Variants in RBFOX1 observed in about 807,000 individuals in gnomAD.
RBFOX1 encodes RNA binding fox-1 homolog 1.
A neutral mutation model predicts 57.7 loss-of-function variants in RBFOX1; 8 were observed. The observed-to-expected ratio is 0.14, with a 90% CI of 0.08 to 0.25. The LOEUF is 0.25. Among genes scored for constraint, RBFOX1 ranks in the 10% least tolerant of loss-of-function variants. RBFOX1 has a pLI of 1.00. For missense variants in RBFOX1, 611 were observed against 548.5 expected (o/e 1.11, Z -1.14); for synonymous variants, 326 against 222.4 (o/e 1.47, Z -4.15).
chr16:6,290,811 A>G (rs1173286008), intron 1 of RBFOX1, among the ~76,000 whole-genome samples: 2 of 152,318 alleles, frequency 1.3e-5, no homozygotes, highest in East Asian at 1.9e-4. Context: ...GATACCAGAA[A>G]GGGGTCCAAA....
At chr16:7,287,993 C>T (rs576878807) in intron 4 of RBFOX1, among the ~76,000 whole-genome samples, 1 of 152,192 alleles carries the variant, frequency 6.6e-6, no homozygotes, top group South Asian at 2.1e-4. Context: ...AAAATCCAAA[C>T]CAATCTCGTG....
chr16:7,262,527 G>T (rs2094958074), intron 4 of RBFOX1, among the ~76,000 whole-genome samples: 2 of 152,234 alleles, frequency 1.3e-5, no homozygotes, highest in African/African-American at 4.8e-5. Context: ...AGCCACATTT[G>T]CAGGCATGCA....
At chr16:5,390,181 C>T (rs2151417341) in intron 1 of RBFOX1, among the ~76,000 whole-genome samples, 1 of 151,884 alleles carries the variant, frequency 6.6e-6, no homozygotes, top group Admixed American at 6.5e-5. Flanking sequence ...CTTTTAATTT[C>T]ACAATATATT....
In RBFOX1 at chr16:6,839,752, T is replaced by G. The variant is rs150929234; in HGVS notation, c.-16+185102T>G. Among the ~76,000 whole-genome samples the G allele has an allele frequency of 2.1e-4, 32 of 152,322 alleles. 1 individual carries two copies. The highest frequency in any genetic ancestry group is 7.5e-4 in the African/African-American group (31 of 41,580). On this transcript the variant is annotated intron_variant, in intron 3 of 15. Coordinates refer to ENST00000550418, the MANE Select transcript of RBFOX1 (RefSeq NM_018723.4). The stretch of plus-strand genomic sequence containing the variant: ...ATATGCAAACTATAGAAGAGAAAAT[T>G]AAGCAGTTGAAACATTTGGATGTAG...
intron 3 of RBFOX1, among the ~76,000 whole-genome samples, chr16:7,000,354 G>A (rs1190056845): frequency 3.9e-5 from 6 of 151,910 alleles, no homozygotes; most frequent in Admixed American, 1.3e-4. Flanking sequence ...CATCTCTCAA[G>A]TTTCTTTTAT....
chr16:7,331,117 G>A (rs568559689), intron 4 of RBFOX1, among the ~76,000 whole-genome samples: 6 of 152,240 alleles, frequency 3.9e-5, no homozygotes, highest in Admixed American at 3.3e-4. Flanking sequence ...AACCCTGTCC[G>A]CCGTCGTTAT....
chr16:7,482,825 TG>T (rs1162156589), intron 4 of RBFOX1, among the ~76,000 whole-genome samples: 1 of 152,176 alleles, frequency 6.6e-6, no homozygotes, highest in Non-Finnish European at 1.5e-5. Flanking sequence ...CGGGATGTTC[TG>T]TCCCCAAATC....
intron 1 of RBFOX1, among the ~76,000 whole-genome samples, chr16:5,292,336 A>T (rs2063554988): frequency 6.6e-6 from 1 of 152,212 alleles, no homozygotes; most frequent in Admixed American, 6.5e-5. Context: ...GGAAAAGTTG[A>T]GGAGTGCCTC....
chr16:6,680,294 T>TTTTTTTTTGTTTTTG (rs60731674), intron 3 of RBFOX1, among the ~76,000 whole-genome samples: 1 of 103,056 alleles, frequency 9.7e-6, no homozygotes, highest in Non-Finnish European at 1.9e-5. Context: ...TTTTTTTTTT[T>TTTTTTTTTGTTTTTG]ATTTGTCGCC....
At chr16:6,247,234 C>T (rs1325034233) in intron 1 of RBFOX1, among the ~76,000 whole-genome samples, 1 of 152,154 alleles carries the variant, frequency 6.6e-6, no homozygotes. Flanking sequence ...CCCCTTGTCT[C>T]CCAGGATCTT....
intron 1 of RBFOX1, among the ~76,000 whole-genome samples, chr16:6,140,844 T>G (rs1255444970): frequency 6.6e-6 from 1 of 152,196 alleles, no homozygotes; most frequent in Non-Finnish European, 1.5e-5. Flanking sequence ...GTGGTTTGGT[T>G]TCTTATCTCT....
In RBFOX1 at chr16:6,401,977, T is replaced by C. The variant is rs77191497; in HGVS notation, c.-64+84920T>C. Among the ~76,000 whole-genome samples, 577 of 151,928 alleles carry C rather than the reference T, an allele frequency of 3.8e-3. 4 individuals are homozygous for C. The highest frequency in any genetic ancestry group is 0.013 in the African/African-American group (541 of 41,396). ...TAAGATCGTAACTGATCATCATGGCTGAGCCAGACCAGCTAACTGTCGAAA... is the reference window on the plus strand; with the variant it reads ...TAAGATCGTAACTGATCATCATGGCCGAGCCAGACCAGCTAACTGTCGAAA... On this transcript the variant is annotated intron_variant, in intron 2 of 15. Transcript: ENST00000550418.
At chr16:6,955,348 G>GCGCACACACA (rs1555675597) in intron 3 of RBFOX1, among the ~76,000 whole-genome samples, 2 of 150,338 alleles carry the variant, frequency 1.3e-5, no homozygotes, top group African/African-American at 2.4e-5. Flanking sequence ...CCCCACATAT[G>GCGCACACACA]CACACACACA....
chr16:6,553,772 G>A (rs2097038525), intron 2 of RBFOX1, among the ~76,000 whole-genome samples: 1 of 152,290 alleles, frequency 6.6e-6, no homozygotes, highest in East Asian at 1.9e-4. Context: ...GGTGAACCAG[G>A]GAGGGACAGT....
At chr16:6,803,289 A>G (rs973214333) in intron 3 of RBFOX1, among the ~76,000 whole-genome samples, 1 of 152,200 alleles carries the variant, frequency 6.6e-6, no homozygotes, top group Non-Finnish European at 1.5e-5. Flanking sequence ...GAAGGCCCAC[A>G]TCCCAGAACT....
At chr16:7,569,258 C>T (rs1260335871) in intron 5 of RBFOX1, among the ~76,000 whole-genome samples, 5 of 152,122 alleles carry the variant, frequency 3.3e-5, no homozygotes, top group African/African-American at 1.2e-4. Flanking sequence ...TTCTGGAGAT[C>T]AGAAGTGTAG....
chr16:6,902,003 G>T (rs1264927718), intron 3 of RBFOX1, among the ~76,000 whole-genome samples: 2 of 152,064 alleles, frequency 1.3e-5, no homozygotes, highest in Non-Finnish European at 2.9e-5. Flanking sequence ...AACTTTGCCT[G>T]AATGAATTAT....
At chr16:6,327,650 A>G (rs895437192) in intron 2 of RBFOX1, among the ~76,000 whole-genome samples, 1 of 152,194 alleles carries the variant, frequency 6.6e-6, no homozygotes, top group African/African-American at 2.4e-5. Flanking sequence ...CAGAATAGAG[A>G]GGGAATCTTG....
At chr16:6,600,827 A>G (rs1023834148) in intron 2 of RBFOX1, among the ~76,000 whole-genome samples, 10 of 152,190 alleles carry the variant, frequency 6.6e-5, no homozygotes, top group Non-Finnish European at 1.2e-4. Context: ...AGATAGAAAA[A>G]AAATCCCTTT....
Sources: gnomAD v4.1 joint callset for allele counts (sites outside exome capture counted in the v4.1 genomes callset) on GRCh38, gnomAD v4.1.1 for gene constraint, MANE v1.5 for transcripts, NCBI Gene and HGNC (gene_info 2026-07-23, HGNC 2026-07-21) for gene names.